The following PTPRJ variants were observed in gnomAD, a reference collection of about 807,000 sequenced individuals.
The protein encoded by PTPRJ is receptor-type tyrosine-protein phosphatase eta.
A neutral mutation model predicts 141.3 loss-of-function variants in PTPRJ; 129 were observed. The observed-to-expected ratio is 0.91, with a 90% CI of 0.79 to 1.06. The LOEUF is 1.06. PTPRJ is among the 50% of genes least tolerant of loss of function. The pLI is 0.00. For synonymous variants in PTPRJ, 610 were observed against 640.5 expected (o/e 0.95, Z 0.72); for missense variants, 1,601 against 1,679.7 (o/e 0.95, Z 0.82).
chr11:48,087,353 T>C (rs1425217410), intron 1 of PTPRJ, among the ~76,000 whole-genome samples: 1 of 152,260 alleles, frequency 6.6e-6, no homozygotes, highest in Non-Finnish European at 1.5e-5. Context: ...GAATATGTCC[T>C]TCCTATAGTT....
At chr11:48,110,363 T>G (rs887793290) in intron 2 of PTPRJ, among the ~76,000 whole-genome samples, 1 of 152,018 alleles carries the variant, frequency 6.6e-6, no homozygotes. Context: ...CGTGCCACCA[T>G]GTCCGGCTAA....
At chr11:48,039,574 T>C (rs1056597925) in intron 1 of PTPRJ, among the ~76,000 whole-genome samples, 1 of 152,016 alleles carries the variant, frequency 6.6e-6, no homozygotes, top group African/African-American at 2.4e-5. Flanking sequence ...ATTGACTTAT[T>C]GAATTGATCC....
At chr11:48,046,910 ATATTTTTT>A (rs1854418593) in intron 1 of PTPRJ, among the ~76,000 whole-genome samples, 2 of 87,104 alleles carry the variant, frequency 2.3e-5, no homozygotes, top group Admixed American at 2.3e-4. Flanking sequence ...ATATATATAT[ATATTTTTT>A]TTTTTTTTTT....
chr11:48,017,274 G>A (rs1235754427), intron 1 of PTPRJ, among the ~76,000 whole-genome samples: 1 of 152,162 alleles, frequency 6.6e-6, no homozygotes, highest in Admixed American at 6.5e-5. Flanking sequence ...GTAGGTAGGG[G>A]CCATCTGGGG....
At chr11:48,051,557 C>G (rs1854571385) in intron 1 of PTPRJ, among the ~76,000 whole-genome samples, 1 of 152,174 alleles carries the variant, frequency 6.6e-6, no homozygotes, top group South Asian at 2.1e-4. Flanking sequence ...TGGGGTGGGT[C>G]TCATCTGGAC....
intron 1 of PTPRJ, among the ~76,000 whole-genome samples, chr11:47,991,738 C>T (rs1053028332): frequency 2.6e-5 from 4 of 152,150 alleles, no homozygotes; most frequent in African/African-American, 7.2e-5. Flanking sequence ...GCCAACTTCT[C>T]CACCTCCTAC....
chr11:48,056,122 T>A (rs1854746475), intron 1 of PTPRJ, among the ~76,000 whole-genome samples: 1 of 152,216 alleles, frequency 6.6e-6, no homozygotes, highest in Non-Finnish European at 1.5e-5. Flanking sequence ...GGAGCTTTTT[T>A]CCTCTTTTGT....
rs757945363 is a variant in PTPRJ at position 48,164,366 on chromosome 11, C to A, written c.3720-14C>A. 4 of 1,612,836 alleles carry A rather than the reference C, an allele frequency of 2.5e-6. No homozygotes were observed. The highest frequency in any genetic ancestry group is 1.1e-5 in the South Asian group (1 of 90,882). Reference sequence around the variant, plus strand: ...GGAACCCACTGTAATAGGCTTATTTCTCTTTTCTCTCAGTGCTGGGGTCGG... The same window carrying A: ...GGAACCCACTGTAATAGGCTTATTTATCTTTTCTCTCAGTGCTGGGGTCGG... On this transcript the variant is annotated splice_polypyrimidine_tract_variant and intron_variant, in intron 23 of 24. Transcript: ENST00000418331.
At chr11:48,125,303 A>G in intron 6 of PTPRJ, 117 bp downstream of exon 6, 1 of 1,115,282 alleles carries the variant, frequency 9.0e-7, no homozygotes, top group Non-Finnish European at 1.3e-6. Flanking sequence ...TGTCAGAGGG[A>G]GCTTCCTGGA....
intron 1 of PTPRJ, among the ~76,000 whole-genome samples, chr11:48,000,675 C>T (rs1438606589): frequency 6.6e-6 from 1 of 152,020 alleles, no homozygotes. Context: ...GAACCTACCC[C>T]GCCCCTCTCC....
At chr11:48,012,303 T>A (rs1295101831) in intron 1 of PTPRJ, among the ~76,000 whole-genome samples, 1 of 152,168 alleles carries the variant, frequency 6.6e-6, no homozygotes, top group African/African-American at 2.4e-5. Flanking sequence ...CCCAAGGTCA[T>A]GTTTTCAAGG....
At chr11:48,038,115 C>T (rs150196206) in intron 1 of PTPRJ, among the ~76,000 whole-genome samples, 65 of 152,142 alleles carry the variant, frequency 4.3e-4, no homozygotes, top group African/African-American at 1.4e-3. Context: ...TCTGGTATTA[C>T]GGTTATTTGT....
chr11:48,029,030 G>A (rs1309230852), intron 1 of PTPRJ, among the ~76,000 whole-genome samples: 1 of 152,226 alleles, frequency 6.6e-6, no homozygotes, highest in East Asian at 1.9e-4. Context: ...GACACAGGTT[G>A]TCCCTGTGTT....
intron 1 of PTPRJ, among the ~76,000 whole-genome samples, chr11:48,053,242 ATTT>A (rs1854633284): frequency 1.1e-5 from 1 of 87,344 alleles, no homozygotes; most frequent in Non-Finnish European, 2.0e-5. Context: ...TATATAATAT[ATTT>A]ATATAATATA....
At chr11:48,046,811 A>C (rs1344563301) in intron 1 of PTPRJ, among the ~76,000 whole-genome samples, 1 of 151,472 alleles carries the variant, frequency 6.6e-6, no homozygotes, top group African/African-American at 2.4e-5. Flanking sequence ...CAGCTTGCAC[A>C]AAAGAGGACC....
intron 1 of PTPRJ, among the ~76,000 whole-genome samples, chr11:48,064,560 G>A (rs1199245150): frequency 6.6e-6 from 1 of 152,118 alleles, no homozygotes; most frequent in Non-Finnish European, 1.5e-5. Flanking sequence ...TGAGCAAGGA[G>A]TGAGGAATGA....
At chr11:48,069,439 T>C (rs534532512) in intron 1 of PTPRJ, among the ~76,000 whole-genome samples, 1 of 140,666 alleles carries the variant, frequency 7.1e-6, no homozygotes, top group African/African-American at 2.8e-5. Flanking sequence ...AAAAACTACA[T>C]TGATAATTTT....
chr11:48,029,108 G>T (rs1853908383), intron 1 of PTPRJ, among the ~76,000 whole-genome samples: 1 of 152,168 alleles, frequency 6.6e-6, no homozygotes, highest in African/African-American at 2.4e-5. Flanking sequence ...TCTGCTGAGG[G>T]CTGCAGATGC....
intron 21 of PTPRJ, among the ~76,000 whole-genome samples, chr11:48,159,122 GGTGT>G (rs1174836598): frequency 0.016 from 82 of 5,290 alleles, no homozygotes; most frequent in African/African-American, 0.019. Flanking sequence ...GTGTATGTGG[GGTGT>G]GTGTGTGTGT....
Sources: allele counts gnomAD v4.1 joint callset (sites outside exome capture counted in the v4.1 genomes callset), GRCh38; gene constraint gnomAD v4.1.1; transcripts MANE v1.5; gene names NCBI Gene and HGNC (gene_info 2026-07-23, HGNC 2026-07-21).